Variants in USP48 observed in about 807,000 individuals in gnomAD.
USP48 encodes the protein ubiquitin carboxyl-terminal hydrolase 48.
A neutral mutation model predicts 150.7 loss-of-function variants in USP48; 43 were observed. The observed-to-expected ratio is 0.29, with a 90% confidence interval of 0.22 to 0.37. The LOEUF (loss-of-function observed/expected upper bound fraction) is 0.37, where lower values mean the gene tolerates loss of function less well. USP48 is among the 10% of genes least tolerant of loss of function. The probability of loss-of-function intolerance (pLI) is 1.00; values close to 1 mark genes in which losing one functional copy is unlikely to be tolerated. For synonymous variants in USP48, 396 were observed against 425.9 expected, an observed-to-expected ratio of 0.93 and a Z score of 0.86; for missense variants, 813 against 1,249.6, an observed-to-expected ratio of 0.65 and a Z score of 5.27.
intron 3 of USP48, 69 bp from the exon 4 acceptor site, chr1:21,753,188 C>T (rs2097821192): frequency 6.8e-7 from 1 of 1,472,056 alleles, no homozygotes; most frequent in Non-Finnish European, 9.2e-7. Context: ...AATGGTACTT[C>T]CTCTTCACAT....
At chr1:21,769,817 G>T (rs929307534) in intron 1 of USP48, among the ~76,000 whole-genome samples, 2 of 152,040 alleles carry the variant, frequency 1.3e-5, no homozygotes, top group African/African-American at 4.8e-5. Flanking sequence ...AGAGGCCAAG[G>T]CTGCAGTGAA....
At chr1:21,693,480 G>A (rs970391631) in intron 23 of USP48, among the ~76,000 whole-genome samples, 1 of 152,178 alleles carries the variant, frequency 6.6e-6, no homozygotes, top group African/African-American at 2.4e-5. Flanking sequence ...AGTGGGAGAT[G>A]AGACAGACAT....
At position 21,729,724 on chromosome 1, in the gene USP48, T is replaced by C. The variant is rs1370420903; in HGVS notation, c.1280A>G (p.Asn427Ser). Residue 427 changes from asparagine to serine, a missense_variant, in exon 10 of 27, where the codon AAC (asparagine) becomes AGC (serine). Asn to Ser is a conservative substitution (Grantham distance 46). Coordinates refer to ENST00000308271, the MANE Select transcript of USP48 (RefSeq NM_032236.8). ...TTTACCTGGAACTTGAACAGTAGTGTTGGGCTTTTCTTGAGTTTGCAGTCT... is the reference window on the plus strand; with the variant it reads ...TTTACCTGGAACTTGAACAGTAGTGCTGGGCTTTTCTTGAGTTTGCAGTCT... ...VYRLQTQEKP[N>S]TTVQVPAFLQ... 6.2e-7 allele frequency: 1 copy of C among 1,614,090 alleles called. No homozygotes were observed. Among genetic ancestry groups the C allele is most frequent in the South Asian group, 1.1e-5 (1 of 91,076 alleles).
At chr1:21,725,902 A>C (rs1011332814) in intron 11 of USP48, among the ~76,000 whole-genome samples, 3 of 152,202 alleles carry the variant, frequency 2.0e-5, no homozygotes, top group Admixed American at 6.5e-5. Flanking sequence ...GATAGAGTAC[A>C]CTGGGTATCT....
At chr1:21,769,049 C>T (rs1557608722) in intron 1 of USP48, among the ~76,000 whole-genome samples, 1 of 152,108 alleles carries the variant, frequency 6.6e-6, no homozygotes. Flanking sequence ...TGTATGTCTC[C>T]CTTTTGCTTT....
At chr1:21,747,210 C>A in intron 7 of USP48, 61 bp from the exon 8 acceptor site, 1 of 1,179,852 alleles carries the variant, frequency 8.5e-7, no homozygotes, top group Non-Finnish European at 1.2e-6. Context: ...AATATATAAG[C>A]TCTATTAGCT....
chr1:21,740,844 C>T (rs1045373826), intron 8 of USP48, among the ~76,000 whole-genome samples: 2 of 151,960 alleles, frequency 1.3e-5, no homozygotes, highest in African/African-American at 4.8e-5. Context: ...AATCAAACTC[C>T]GAGAAATGGA....
chr1:21,701,408 C>T (rs2097656517), intron 22 of USP48, 90 bp downstream of exon 22: 2 of 921,542 alleles, frequency 2.2e-6, no homozygotes, highest in Non-Finnish European at 3.4e-6. Flanking sequence ...ATATCCCATA[C>T]AGGGTACAGA....
chr1:21,750,212 G>A (rs2315931), intron 6 of USP48, among the ~76,000 whole-genome samples: 107,782 of 151,820 alleles, frequency 0.71, 38,726 homozygotes, highest in Admixed American at 0.79. Flanking sequence ...TACTCACTTC[G>A]GCCACACTAA....
intron 1 of USP48, among the ~76,000 whole-genome samples, chr1:21,773,987 A>G (rs904394761): frequency 2.0e-5 from 3 of 152,074 alleles, no homozygotes; most frequent in African/African-American, 7.2e-5. Flanking sequence ...TTAAAAAACT[A>G]TGTAACTGGC....
intron 9 of USP48, among the ~76,000 whole-genome samples, chr1:21,735,662 G>T (rs1270645619): frequency 1.3e-5 from 2 of 152,234 alleles, no homozygotes; most frequent in African/African-American, 4.8e-5. Context: ...GCCAAGGCAG[G>T]TGGATCACCT....
At chr1:21,778,004 G>A (rs1429234540) in intron 1 of USP48, among the ~76,000 whole-genome samples, 8 of 150,516 alleles carry the variant, frequency 5.3e-5, no homozygotes, top group African/African-American at 1.2e-4. Context: ...TTAGCTAGGC[G>A]TGGCGGTGTG....
intron 22 of USP48, among the ~76,000 whole-genome samples, chr1:21,698,137 C>T (rs997829914): frequency 6.6e-6 from 1 of 152,056 alleles, no homozygotes; most frequent in Non-Finnish European, 1.5e-5. Flanking sequence ...TATCTTTGTA[C>T]TGAGATATGT....
intron 22 of USP48, among the ~76,000 whole-genome samples, chr1:21,698,232 T>A (rs1185574294): frequency 1.3e-5 from 2 of 152,172 alleles, no homozygotes; most frequent in African/African-American, 2.4e-5. Context: ...ACACTTGAGA[T>A]TTTTTGTGAG....
intron 9 of USP48, among the ~76,000 whole-genome samples, chr1:21,731,012 G>C (rs2097755532): frequency 6.6e-6 from 1 of 152,008 alleles, no homozygotes; most frequent in South Asian, 2.1e-4. Context: ...GCCCGCCTCA[G>C]CCTCCCAAAG....
At position 21,747,052 on chromosome 1, in the gene USP48, C is replaced by G; in HGVS notation, c.991+15G>C. 1 of 1,576,486 alleles carries G rather than the reference C, an allele frequency of 6.3e-7. No homozygotes were observed. Among genetic ancestry groups the G allele is most frequent in the Non-Finnish European group, 8.7e-7 (1 of 1,153,702 alleles). ...TCTGAGCATTATAATGTTTACTCCT[C>G]AGTAAAAATATTACCTTTATGTTCC... is the stretch of plus-strand genomic sequence containing the variant. On this transcript the variant is annotated intron_variant, in intron 8 of 26. Coordinates refer to ENST00000308271, the MANE Select transcript of USP48 (RefSeq NM_032236.8).
Position 21,752,508 on chromosome 1 carries a change from A to G in USP48, c.665+19T>C, listed in dbSNP as rs1254301749. The G allele has an allele frequency of 1.2e-6, 2 of 1,603,738 alleles. No homozygotes were observed. The highest frequency in any genetic ancestry group is 2.3e-5 in the South Asian group (2 of 88,262). The stretch of plus-strand genomic sequence containing the variant: ...GTCTTAGAATAAAATGTACCATGAA[A>G]AAGTTGAAACAGACTTACACAGTTA... On this transcript the variant is annotated intron_variant, in intron 5 of 26. Coordinates refer to ENST00000308271, the MANE Select transcript of USP48 (RefSeq NM_032236.8).
At chr1:21,778,256 A>G (rs549185708) in intron 1 of USP48, among the ~76,000 whole-genome samples, 3 of 152,188 alleles carry the variant, frequency 2.0e-5, no homozygotes, top group East Asian at 1.9e-4. Flanking sequence ...CAAAAAAGAT[A>G]TATGAATGGC....
chr1:21,778,079 G>A (rs1311799358), intron 1 of USP48, among the ~76,000 whole-genome samples: 2 of 151,012 alleles, frequency 1.3e-5, no homozygotes, highest in Admixed American at 6.6e-5. Flanking sequence ...GGAGGCGGAG[G>A]TTACAGTGAG....
Sources: gnomAD v4.1 joint callset for allele counts (sites outside exome capture counted in the v4.1 genomes callset) on GRCh38, gnomAD v4.1.1 for gene constraint, MANE v1.5 for transcripts, NCBI Gene and HGNC (gene_info 2026-07-23, HGNC 2026-07-21) for gene names.